The following CDH20 variants were observed in gnomAD, a reference collection of about 807,000 sequenced individuals.
CDH20 encodes the protein cadherin 20.
CDH20 carries 29 observed loss-of-function variants against 74.2 expected under a neutral mutation model. The observed-to-expected ratio is 0.39, with a 90% CI of 0.29 to 0.53. The LOEUF is 0.53. Among genes scored for constraint, CDH20 ranks in the 20% least tolerant of loss-of-function variants. The pLI is 0.69. For synonymous variants in CDH20, 469 were observed against 405.4 expected (o/e 1.16, Z -1.88); for missense variants, 988 against 1,048.3 (o/e 0.94, Z 0.79).
chr18:61,346,005 A>C (rs1910104995), intron 1 of CDH20, among the ~76,000 whole-genome samples: 1 of 152,174 alleles, frequency 6.6e-6, no homozygotes, highest in Non-Finnish European at 1.5e-5. Flanking sequence ...GGGCTTTCCA[A>C]GTTCCTTGAG....
chr18:61,502,290 G>C (rs1410010281), intron 4 of CDH20, among the ~76,000 whole-genome samples: 2 of 151,930 alleles, frequency 1.3e-5, no homozygotes, highest in Non-Finnish European at 2.9e-5. Flanking sequence ...TTGCTCTCTG[G>C]GGAAATTCAT....
intron 11 of CDH20, among the ~76,000 whole-genome samples, chr18:61,552,158 TAATTCTGA>T (rs1159424373): frequency 3.0e-5 from 4 of 132,928 alleles, no homozygotes; most frequent in Non-Finnish European, 6.3e-5. Flanking sequence ...CTAAATAAAT[TAATTCTGA>T]CTTCCTGGGT....
intron 1 of CDH20, among the ~76,000 whole-genome samples, chr18:61,447,153 G>A (rs1018441936): frequency 1.3e-5 from 2 of 152,178 alleles, no homozygotes; most frequent in African/African-American, 4.8e-5. Context: ...AATTTACACT[G>A]AGAGAGAAAC....
At chr18:61,370,571 A>G (rs922589734) in intron 1 of CDH20, among the ~76,000 whole-genome samples, 3 of 152,144 alleles carry the variant, frequency 2.0e-5, no homozygotes, top group South Asian at 2.1e-4. Flanking sequence ...AATAATCACC[A>G]CAAACTGATT....
chr18:61,397,077 C>T (rs943953735), intron 1 of CDH20, among the ~76,000 whole-genome samples: 2 of 152,072 alleles, frequency 1.3e-5, no homozygotes, highest in African/African-American at 2.4e-5. Context: ...GCCAGTTACT[C>T]TAGTGGGAGA....
At chr18:61,513,758 A>T (rs1044493149) in intron 6 of CDH20, among the ~76,000 whole-genome samples, 4 of 152,132 alleles carry the variant, frequency 2.6e-5, no homozygotes, top group African/African-American at 9.7e-5. Flanking sequence ...TTCACTTATG[A>T]AGCTTAGTTT....
intron 2 of CDH20, among the ~76,000 whole-genome samples, chr18:61,493,638 T>TC (rs983769763): frequency 1.1e-4 from 16 of 152,220 alleles, no homozygotes; most frequent in Non-Finnish European, 2.9e-5. Flanking sequence ...GGCCCTGACT[T>TC]CCGCTCATCA....
intron 6 of CDH20, among the ~76,000 whole-genome samples, chr18:61,523,250 G>A (rs879321657): frequency 5.1e-4 from 77 of 150,692 alleles, no homozygotes; most frequent in Middle Eastern, 3.4e-3. Flanking sequence ...ATCAAAAAGC[G>A]GGCAAAGGAT....
chr18:61,397,726 C>T (rs1912031018), intron 1 of CDH20, among the ~76,000 whole-genome samples: 1 of 152,146 alleles, frequency 6.6e-6, no homozygotes, highest in South Asian at 2.1e-4. Context: ...TCAGCTCTGC[C>T]ACTTACTAGC....
rs537316046 is a variant in CDH20 at position 61,471,764 on chromosome 18, A to G, written c.-152-18638A>G. ...ATTTATAGCCTCAGGCAAACTCAAC[A>G]AACCCATTCCTGGCTGTCGGTAATG... On this transcript the variant is annotated intron_variant, in intron 1 of 11. Coordinates refer to ENST00000262717, the MANE Select transcript of CDH20 (RefSeq NM_031891.4). Among the ~76,000 whole-genome samples, 3 of 152,296 alleles carry G rather than the reference A, an allele frequency of 2.0e-5. No individual in the cohort carries two copies. In the East Asian group the frequency reaches 5.8e-4, roughly 29 times the overall value.
chr18:61,438,985 A>C (rs1599085923), intron 1 of CDH20, among the ~76,000 whole-genome samples: 1 of 152,292 alleles, frequency 6.6e-6, no homozygotes, highest in East Asian at 1.9e-4. Context: ...CATTTTCCTA[A>C]GTGAATTAAT....
intron 1 of CDH20, among the ~76,000 whole-genome samples, chr18:61,482,543 C>T (rs918199194): frequency 2.6e-5 from 4 of 152,308 alleles, no homozygotes; most frequent in Middle Eastern, 3.4e-3. Context: ...TCTCCAGAAA[C>T]ACTACTAAAC....
At chr18:61,407,428 G>A (rs923674321) in intron 1 of CDH20, among the ~76,000 whole-genome samples, 2 of 152,172 alleles carry the variant, frequency 1.3e-5, no homozygotes, top group Non-Finnish European at 2.9e-5. Flanking sequence ...AGGTTGGGGT[G>A]GGGGAAGTCC....
chr18:61,474,477 T>C (rs1349178619), intron 1 of CDH20, among the ~76,000 whole-genome samples: 1 of 152,160 alleles, frequency 6.6e-6, no homozygotes, highest in African/African-American at 2.4e-5. Flanking sequence ...TCTCCAAACC[T>C]CTTTTCGTTG....
At chr18:61,469,950 A>G (rs1415158488) in intron 1 of CDH20, among the ~76,000 whole-genome samples, 1 of 152,220 alleles carries the variant, frequency 6.6e-6, no homozygotes. Context: ...TGATTTTTAA[A>G]TGAGTTTCTT....
chr18:61,528,781 AATC>A (rs756342388), intron 7 of CDH20, among the ~76,000 whole-genome samples: 74 of 152,322 alleles, frequency 4.9e-4, no homozygotes, highest in Non-Finnish European at 8.7e-4. Flanking sequence ...ACATAAAGGA[AATC>A]ATCATGTATT....
chr18:61,548,434 T>C (rs564971199), intron 10 of CDH20, among the ~76,000 whole-genome samples: 34 of 152,320 alleles, frequency 2.2e-4, no homozygotes, highest in African/African-American at 7.2e-4. Flanking sequence ...AGTAAGATTA[T>C]TACTATGTCC....
At chr18:61,461,462 C>T (rs1374095804) in intron 1 of CDH20, among the ~76,000 whole-genome samples, 2 of 152,100 alleles carry the variant, frequency 1.3e-5, no homozygotes, top group East Asian at 3.9e-4. Context: ...CCTCCGGCTT[C>T]TCATGGCCCC....
chr18:61,375,123 C>T (rs1911175620), intron 1 of CDH20, among the ~76,000 whole-genome samples: 1 of 152,150 alleles, frequency 6.6e-6, no homozygotes, highest in African/African-American at 2.4e-5. Context: ...GGACATGTCT[C>T]ATTGAGCGCC....
Sources: gnomAD v4.1 joint callset for allele counts (sites outside exome capture counted in the v4.1 genomes callset) on GRCh38, gnomAD v4.1.1 for gene constraint, MANE v1.5 for transcripts, NCBI Gene and HGNC (gene_info 2026-07-23, HGNC 2026-07-21) for gene names.